MYO3B: variants seen among roughly 807,000 people sequenced by gnomAD.
The protein encoded by MYO3B is myosin-IIIb.
A neutral mutation model predicts 174.6 loss-of-function variants in MYO3B; 156 were observed. The observed-to-expected ratio is 0.89, with a 90% CI of 0.78 to 1.02. The LOEUF is 1.02. MYO3B is among the 50% of genes least tolerant of loss of function. The probability of loss-of-function intolerance (pLI) is 0.00; values close to 1 mark genes in which losing one functional copy is unlikely to be tolerated. For missense variants in MYO3B, 1,632 were observed against 1,639.4 expected (o/e 1.00, Z 0.08); for synonymous variants, 563 against 569.1 (o/e 0.99, Z 0.15).
At chr2:170,536,866 C>T (rs1355569618) in intron 30 of MYO3B, among the ~76,000 whole-genome samples, 2 of 151,980 alleles carry the variant, frequency 1.3e-5, no homozygotes, top group East Asian at 3.9e-4. Flanking sequence ...TTATCTGAAA[C>T]TTGCCTCCCT....
chr2:170,357,697 A>G (rs2094132892), intron 8 of MYO3B, among the ~76,000 whole-genome samples: 1 of 152,218 alleles, frequency 6.6e-6, no homozygotes, highest in South Asian at 2.1e-4. Context: ...GTTGGTAGGA[A>G]TATAAAATGA....
intron 30 of MYO3B, among the ~76,000 whole-genome samples, chr2:170,522,105 C>A (rs1688704143): frequency 6.6e-6 from 1 of 152,192 alleles, no homozygotes; most frequent in Non-Finnish European, 1.5e-5. Context: ...AAAGGCAATT[C>A]TCCAAGTCTT....
chr2:170,377,808 C>T (rs2094305797), intron 9 of MYO3B, among the ~76,000 whole-genome samples: 1 of 152,232 alleles, frequency 6.6e-6, no homozygotes, highest in Non-Finnish European at 1.5e-5. Context: ...ATTAAAACTA[C>T]AGTGCCTTAC....
intron 32 of MYO3B, among the ~76,000 whole-genome samples, chr2:170,597,953 C>T (rs528286123): frequency 1.3e-5 from 2 of 152,308 alleles, no homozygotes; most frequent in African/African-American, 2.4e-5. Flanking sequence ...TATTTCTCAA[C>T]ATAGCACCTA....
intron 22 of MYO3B, among the ~76,000 whole-genome samples, chr2:170,439,387 A>G (rs1020064061): frequency 2.1e-5 from 3 of 145,062 alleles, no homozygotes; most frequent in Admixed American, 1.3e-4. Flanking sequence ...TAATAATAAT[A>G]ATAATAATTT....
At chr2:170,214,577 C>T in intron 4 of MYO3B, 94 bp downstream of exon 4, 2 of 1,365,492 alleles carry the variant, frequency 1.5e-6, no homozygotes, top group East Asian at 2.3e-5. Flanking sequence ...GGAAACTGCC[C>T]TATGATATGC....
At chr2:170,635,749 A>G (rs75021937) in intron 32 of MYO3B, among the ~76,000 whole-genome samples, 3,576 of 152,268 alleles carry the variant, frequency 0.023, 170 homozygotes, top group East Asian at 0.15. Context: ...TGTATTTTAA[A>G]CATGTTTTCT....
intron 7 of MYO3B, among the ~76,000 whole-genome samples, chr2:170,240,788 T>C (rs2093122310): frequency 6.6e-6 from 1 of 152,132 alleles, no homozygotes; most frequent in Admixed American, 6.5e-5. Flanking sequence ...AGAACAGAAA[T>C]CAAGAGTGTT....
At chr2:170,180,778 A>G (rs2092389028) in intron 1 of MYO3B, among the ~76,000 whole-genome samples, 1 of 152,208 alleles carries the variant, frequency 6.6e-6, no homozygotes, top group South Asian at 2.1e-4. Flanking sequence ...GGATATACAC[A>G]TACATAGAGA....
Position 170,440,915 on chromosome 2 carries a change from C to T in MYO3B, c.2651-3052C>T, listed in dbSNP as rs187663095. Among the ~76,000 whole-genome samples, 474 of 149,494 alleles carry T rather than the reference C, an allele frequency of 3.2e-3. 2 individuals carry two copies. The highest frequency in any genetic ancestry group is 4.4e-3 in the Non-Finnish European group (297 of 67,542). On this transcript the variant is annotated intron_variant, in intron 22 of 34. Transcript: ENST00000408978. Reference sequence around the variant, plus strand: ...CTCCTGGGTTCAAGTGATTCTCCTGCCTCAGCCTCCAGAGTAGCTGAGATT... The same window carrying T: ...CTCCTGGGTTCAAGTGATTCTCCTGTCTCAGCCTCCAGAGTAGCTGAGATT...
intron 32 of MYO3B, among the ~76,000 whole-genome samples, chr2:170,630,640 T>G (rs994045298): frequency 6.6e-6 from 1 of 152,194 alleles, no homozygotes; most frequent in African/African-American, 2.4e-5. Flanking sequence ...AGGAGACACC[T>G]CCCAGTAGAG....
In MYO3B at chr2:170,265,270, T is replaced by G. The variant is rs537142948; in HGVS notation, c.749+29134T>G. ...GGCCTTAATTTCAGAGCTCCATGAA[T>G]TCTTAGCTTATAAATTACATAGCTG... On this transcript the variant is annotated intron_variant, in intron 7 of 34. Coordinates refer to ENST00000408978, the MANE Select transcript of MYO3B (RefSeq NM_138995.5). Among the ~76,000 whole-genome samples, 5 of 152,364 alleles carry G rather than the reference T, an allele frequency of 3.3e-5. No individual in the cohort carries two copies. The South Asian group carries it at 1.0e-3, about 32-fold the overall frequency.
intron 32 of MYO3B, among the ~76,000 whole-genome samples, chr2:170,617,447 A>G (rs556105512): frequency 7.9e-5 from 12 of 152,228 alleles, no homozygotes; most frequent in Admixed American, 3.3e-4. Context: ...TGCTAATAAC[A>G]TATATGGTGG....
At chr2:170,553,584 G>A (rs1457321285) in intron 32 of MYO3B, among the ~76,000 whole-genome samples, 1 of 151,082 alleles carries the variant, frequency 6.6e-6, no homozygotes, top group Non-Finnish European at 1.5e-5. Flanking sequence ...ATAGGTGGAA[G>A]GGACTTGCCT....
chr2:170,399,527 T>C (rs961372735), intron 16 of MYO3B, among the ~76,000 whole-genome samples: 4 of 151,580 alleles, frequency 2.6e-5, no homozygotes, highest in Non-Finnish European at 5.9e-5. Flanking sequence ...AAAAATATAA[T>C]TTAATATACA....
intron 9 of MYO3B, among the ~76,000 whole-genome samples, chr2:170,371,388 G>T (rs1425927735): frequency 6.6e-6 from 1 of 151,460 alleles, no homozygotes; most frequent in Non-Finnish European, 1.5e-5. Flanking sequence ...TTGTAATCTT[G>T]AGTTTCACTC....
intron 25 of MYO3B, among the ~76,000 whole-genome samples, chr2:170,484,534 G>A (rs1685901706): frequency 6.6e-6 from 1 of 152,158 alleles, no homozygotes; most frequent in Admixed American, 6.5e-5. Context: ...CTCATTTAAA[G>A]TTTATGAGGA....
At chr2:170,409,338 G>C (rs549508907) in intron 22 of MYO3B, among the ~76,000 whole-genome samples, 1 of 152,168 alleles carries the variant, frequency 6.6e-6, no homozygotes, top group Non-Finnish European at 1.5e-5. Context: ...CCGCCGCTGC[G>C]TCTTTTTTAC....
intron 22 of MYO3B, among the ~76,000 whole-genome samples, chr2:170,433,286 A>G (rs2094726228): frequency 6.6e-6 from 1 of 152,230 alleles, no homozygotes; most frequent in Non-Finnish European, 1.5e-5. Context: ...AAAATTATCC[A>G]TAAATATGCT....
Sources: gnomAD v4.1 joint callset for allele counts (sites outside exome capture counted in the v4.1 genomes callset) on GRCh38, gnomAD v4.1.1 for gene constraint, MANE v1.5 for transcripts, NCBI Gene and HGNC (gene_info 2026-07-23, HGNC 2026-07-21) for gene names.